The following ATG10 variants were observed in gnomAD, a reference collection of about 807,000 sequenced individuals.
The protein encoded by ATG10 is ubiquitin-like-conjugating enzyme ATG10.
ATG10 carries 30 observed loss-of-function variants against 32.1 expected under a neutral mutation model. The observed-to-expected ratio is 0.94, with a 90% confidence interval of 0.70 to 1.27. The LOEUF is 1.27. Among genes scored for constraint, ATG10 ranks in the 50% most tolerant of loss-of-function variants. ATG10 has a pLI of 0.00. For missense variants in ATG10, 233 were observed against 262.3 expected, an observed-to-expected ratio of 0.89 and a Z score of 0.77; for synonymous variants, 87 against 91.5, an observed-to-expected ratio of 0.95 and a Z score of 0.28.
intron 3 of ATG10, among the ~76,000 whole-genome samples, chr5:82,069,998 G>C (rs1330585035): frequency 7.9e-5 from 12 of 152,188 alleles, no homozygotes; most frequent in Non-Finnish European, 1.8e-4. Flanking sequence ...TGCTGTTTTG[G>C]ATTGTTTGCT....
At chr5:82,236,065 T>C (rs1746540001) in intron 5 of ATG10, among the ~76,000 whole-genome samples, 2 of 152,238 alleles carry the variant, frequency 1.3e-5, no homozygotes. Context: ...TAGGGAATAT[T>C]ACAATTTAAG....
At chr5:82,044,444 T>G (rs1763176535) in intron 2 of ATG10, among the ~76,000 whole-genome samples, 1 of 152,138 alleles carries the variant, frequency 6.6e-6, no homozygotes, top group Non-Finnish European at 1.5e-5. Flanking sequence ...TGGGTCCAAT[T>G]CTATTGGCTG....
At chr5:82,132,198 A>G (rs1357957320) in intron 3 of ATG10, among the ~76,000 whole-genome samples, 2 of 152,098 alleles carry the variant, frequency 1.3e-5, no homozygotes, top group African/African-American at 2.4e-5. Context: ...AGTGTGTACT[A>G]TAGTTCCTGG....
At chr5:82,082,976 G>A (rs372864596) in intron 3 of ATG10, among the ~76,000 whole-genome samples, 1 of 152,198 alleles carries the variant, frequency 6.6e-6, no homozygotes, top group Non-Finnish European at 1.5e-5. Context: ...GAGGTACCGG[G>A]TTCATCTCAC....
At chr5:82,160,191 C>T (rs988366536) in intron 3 of ATG10, among the ~76,000 whole-genome samples, 1 of 152,158 alleles carries the variant, frequency 6.6e-6, no homozygotes, top group African/African-American at 2.4e-5. Context: ...GCTCTCTGCC[C>T]TCCAGTCCCC....
intron 3 of ATG10, among the ~76,000 whole-genome samples, chr5:82,102,589 C>G (rs912450907): frequency 6.6e-6 from 1 of 152,096 alleles, no homozygotes; most frequent in Non-Finnish European, 1.5e-5. Flanking sequence ...AACAGGTAAA[C>G]CAAGTATCAG....
At chr5:82,074,803 TTTATG>T (rs1407572617) in intron 3 of ATG10, among the ~76,000 whole-genome samples, 1 of 152,202 alleles carries the variant, frequency 6.6e-6, no homozygotes, top group African/African-American at 2.4e-5. Flanking sequence ...CACCTAACAC[TTTATG>T]TTAAGTTTGA....
At chr5:82,014,781 A>G (rs1420489713) in intron 2 of ATG10, among the ~76,000 whole-genome samples, 1 of 152,102 alleles carries the variant, frequency 6.6e-6, no homozygotes, top group Non-Finnish European at 1.5e-5. Flanking sequence ...GACTCTATCC[A>G]ATTTGCCAGT....
At chr5:82,005,347 T>TGA (rs1761962337) in intron 2 of ATG10, among the ~76,000 whole-genome samples, 1 of 152,224 alleles carries the variant, frequency 6.6e-6, no homozygotes, top group African/African-American at 2.4e-5. Flanking sequence ...GAGGCTGGAG[T>TGA]GCAGTGGCAC....
In ATG10 at chr5:82,006,556, G is replaced by A. The variant is rs183804973; in HGVS notation, c.108+18878G>A. On this transcript the variant is annotated intron_variant, in intron 2 of 7. Transcript: ENST00000282185. ...TAGGCTGTTCATGTGTGCTCTGTAC[G>A]TTTATAATTATATATTAAAATTAAT... 3.9e-5 allele frequency among the ~76,000 whole-genome samples: 6 copies of A among 152,084 alleles called. No individual in the cohort carries two copies. The East Asian group carries it at 5.8e-4, about 15-fold the overall frequency.
intron 3 of ATG10, among the ~76,000 whole-genome samples, chr5:82,124,475 G>T (rs1306974402): frequency 6.6e-6 from 1 of 151,648 alleles, no homozygotes; most frequent in African/African-American, 2.4e-5. Flanking sequence ...ACAGGACCTG[G>T]TGTGTGATGT....
At chr5:81,977,029 C>G (rs1260127533) in intron 1 of ATG10, among the ~76,000 whole-genome samples, 1 of 152,082 alleles carries the variant, frequency 6.6e-6, no homozygotes, top group African/African-American at 2.4e-5. Context: ...GCATGCACCA[C>G]TATGCCAGGC....
intron 1 of ATG10, among the ~76,000 whole-genome samples, chr5:81,980,254 C>G (rs1165055740): frequency 6.6e-6 from 1 of 152,132 alleles, no homozygotes; most frequent in Non-Finnish European, 1.5e-5. Flanking sequence ...GATAATTCCT[C>G]GGTTTGATTT....
rs192240337 is a variant in ATG10 at position 82,080,953 on chromosome 5, A to G, written c.216+22351A>G. ...ACTGAATCTATAAATTACCTTGGGC[A>G]GTATGGCCATTGTCACAATATTGAT... is the stretch of plus-strand genomic sequence containing the variant. On this transcript the variant is annotated intron_variant, in intron 3 of 7. Transcript: ENST00000282185. Among the ~76,000 whole-genome samples, 174 of 152,334 alleles carry G rather than the reference A, an allele frequency of 1.1e-3. 4 individuals are homozygous for G. In the Middle Eastern group the frequency reaches 0.02, roughly 18 times the overall value.
At chr5:82,010,196 A>T in intron 2 of ATG10, 1 of 915,568 alleles carries the variant, frequency 1.1e-6, no homozygotes, top group Non-Finnish European at 1.7e-6. Context: ...TACAGACAAA[A>T]TTCTGATTAT....
At chr5:82,132,401 C>A (rs759713534) in intron 3 of ATG10, among the ~76,000 whole-genome samples, 1 of 151,066 alleles carries the variant, frequency 6.6e-6, no homozygotes, top group Non-Finnish European at 1.5e-5. Context: ...TATCCCTCCC[C>A]TAGCCCCCCC....
chr5:82,216,078 A>C (rs1745668633), intron 5 of ATG10, among the ~76,000 whole-genome samples: 1 of 152,234 alleles, frequency 6.6e-6, no homozygotes, highest in African/African-American at 2.4e-5. Flanking sequence ...AGAGCCAAGG[A>C]TAGAAATCAA....
intron 5 of ATG10, among the ~76,000 whole-genome samples, chr5:82,247,938 G>C (rs1225311945): frequency 6.6e-6 from 1 of 152,008 alleles, no homozygotes; most frequent in Non-Finnish European, 1.5e-5. Context: ...CTTCCTCAGG[G>C]TTATCCAGCT....
At chr5:82,148,182 G>C (rs778243119) in intron 3 of ATG10, 6 of 152,136 alleles carry the variant, frequency 3.9e-5, no homozygotes, top group Non-Finnish European at 7.4e-5. Context: ...TTGTGACAAA[G>C]ACCTTATACC....
Sources: allele counts gnomAD v4.1 joint callset (sites outside exome capture counted in the v4.1 genomes callset), GRCh38; gene constraint gnomAD v4.1.1; transcripts MANE v1.5; gene names NCBI Gene and HGNC (gene_info 2026-07-23, HGNC 2026-07-21).